SENP7: variants seen among roughly 807,000 people sequenced by gnomAD.
SENP7 encodes the protein sentrin-specific protease 7.
Under a neutral mutation model 141.2 loss-of-function variants are expected in SENP7, and 64 were observed. The observed-to-expected ratio is 0.45, with a 90% CI of 0.37 to 0.56. SENP7 has a LOEUF of 0.56. SENP7 is among the 20% of genes least tolerant of loss of function. The pLI is 0.00. For synonymous variants in SENP7, 382 were observed against 426.4 expected (o/e 0.90, Z 1.28); for missense variants, 1,025 against 1,212.2 (o/e 0.85, Z 2.29).
At chr3:101,467,224 C>G (rs925097190) in intron 3 of SENP7, among the ~76,000 whole-genome samples, 4 of 152,264 alleles carry the variant, frequency 2.6e-5, no homozygotes, top group Admixed American at 2.6e-4. Flanking sequence ...ACAAGGCCTA[C>G]TGCCTCTAGA....
rs747201811 is a variant in SENP7, at chr3:101,459,012, T to A, written c.227A>T (p.His76Leu). Residue 76 changes from histidine to leucine, a missense_variant, in exon 4 of 24, where the codon CAT becomes CTT. Transcript: ENST00000394095. The part of the protein sequence containing the change: ...SLRNKVISLD[H>L]KNKKHIRGCP... ...CCCTCGGATATGTTTTTTATTTTTATGGTCTAGAGAGATGACTTTATTCCT... is the reference window on the plus strand; with the variant it reads ...CCCTCGGATATGTTTTTTATTTTTAAGGTCTAGAGAGATGACTTTATTCCT... 6.2e-7 allele frequency: 1 copy of A among 1,607,972 alleles called. No homozygotes were observed. Among genetic ancestry groups the A allele is most frequent in the African/African-American group, 1.3e-5 (1 of 74,668 alleles).
chr3:101,442,981 T>C (rs1022840502), intron 4 of SENP7, among the ~76,000 whole-genome samples: 5 of 152,254 alleles, frequency 3.3e-5, no homozygotes, highest in African/African-American at 1.2e-4. Flanking sequence ...ATAATAGCTT[T>C]GGTTGCCATT....
intron 14 of SENP7, 125 bp downstream of exon 14, chr3:101,343,561 G>T: frequency 1.2e-6 from 1 of 803,562 alleles, no homozygotes; most frequent in Non-Finnish European, 1.9e-6. Context: ...GGCAACGGGA[G>T]TTCTTTTGGG....
intron 6 of SENP7, among the ~76,000 whole-genome samples, chr3:101,382,205 C>G (rs1455560356): frequency 3.3e-5 from 5 of 152,044 alleles, no homozygotes; most frequent in African/African-American, 4.8e-5. Flanking sequence ...GGTACAGGGT[C>G]TCACTCTGTC....
At chr3:101,424,579 C>G (rs1032196339) in intron 4 of SENP7, among the ~76,000 whole-genome samples, 8 of 152,150 alleles carry the variant, frequency 5.3e-5, no homozygotes, top group African/African-American at 1.9e-4. Context: ...ACCTTCCCCC[C>G]ACACTGAGCA....
At chr3:101,412,764 T>G (rs2061491482) in intron 5 of SENP7, among the ~76,000 whole-genome samples, 3 of 152,090 alleles carry the variant, frequency 2.0e-5, no homozygotes, top group Non-Finnish European at 4.4e-5. Flanking sequence ...TTCTTTCCTA[T>G]TGACAAAGAC....
intron 8 of SENP7, among the ~76,000 whole-genome samples, chr3:101,367,325 T>C (rs1342563858): frequency 6.6e-6 from 1 of 152,094 alleles, no homozygotes; most frequent in Non-Finnish European, 1.5e-5. Context: ...TATTGCTACT[T>C]ATATACTAAG....
intron 17 of SENP7, among the ~76,000 whole-genome samples, chr3:101,334,781 G>A (rs1163958281): frequency 2.0e-5 from 3 of 152,150 alleles, no homozygotes; most frequent in African/African-American, 7.2e-5. Flanking sequence ...TCGATTTCCT[G>A]ATTATGCTAA....
At chr3:101,354,036 C>T (rs932172872) in intron 11 of SENP7, among the ~76,000 whole-genome samples, 2 of 151,804 alleles carry the variant, frequency 1.3e-5, no homozygotes, top group African/African-American at 2.4e-5. Context: ...CCTGAAAAAC[C>T]TGAAATTTTT....
intron 5 of SENP7, among the ~76,000 whole-genome samples, chr3:101,412,322 T>A (rs1159329976): frequency 1.3e-5 from 2 of 152,142 alleles, no homozygotes; most frequent in Non-Finnish European, 2.9e-5. Flanking sequence ...ATTTAAAATA[T>A]ACCTTCTAAA....
At chr3:101,354,955 T>A (rs145492556) in intron 11 of SENP7, among the ~76,000 whole-genome samples, 28 of 152,286 alleles carry the variant, frequency 1.8e-4, no homozygotes, top group African/African-American at 5.8e-4. Flanking sequence ...TGGTTTTGAT[T>A]TGGATTTCTC....
At chr3:101,409,305 G>A (rs1175388728) in intron 5 of SENP7, among the ~76,000 whole-genome samples, 1 of 152,168 alleles carries the variant, frequency 6.6e-6, no homozygotes, top group African/African-American at 2.4e-5. Context: ...CAAACAACTG[G>A]AAACACATCC....
intron 4 of SENP7, among the ~76,000 whole-genome samples, chr3:101,440,790 G>C (rs918823743): frequency 6.6e-6 from 1 of 151,986 alleles, no homozygotes; most frequent in African/African-American, 2.4e-5. Context: ...ATCCAGCAAC[G>C]TATTAAGAAT....
intron 4 of SENP7, 52 bp downstream of exon 4, chr3:101,458,903 G>A (rs1576417547): frequency 3.8e-6 from 4 of 1,062,560 alleles, no homozygotes; most frequent in African/African-American, 1.6e-5. Context: ...AATCATTTAT[G>A]GTCAACTTTA....
chr3:101,399,137 A>G (rs973024788), intron 5 of SENP7, 82 bp from the exon 6 acceptor site: 15 of 831,192 alleles, frequency 1.8e-5, no homozygotes, highest in Non-Finnish European at 2.5e-5. Flanking sequence ...TGAATTTTCA[A>G]TCATTGCCAT....
chr3:101,511,881 G>A (rs899113474), intron 1 of SENP7, among the ~76,000 whole-genome samples: 1 of 152,100 alleles, frequency 6.6e-6, no homozygotes, highest in Non-Finnish European at 1.5e-5. Flanking sequence ...GTGCAGTGGT[G>A]CGATCTCGGC....
At chr3:101,480,663 G>T (rs142488867) in intron 3 of SENP7, among the ~76,000 whole-genome samples, 1 of 151,906 alleles carries the variant, frequency 6.6e-6, no homozygotes, top group Non-Finnish European at 1.5e-5. Context: ...GCTTCTGTAC[G>T]GCTAAGGAAA....
intron 4 of SENP7, among the ~76,000 whole-genome samples, chr3:101,448,082 C>G (rs1329642345): frequency 6.6e-6 from 1 of 151,924 alleles, no homozygotes; most frequent in African/African-American, 2.4e-5. Context: ...CATTCCATAC[C>G]CAAAAATTAA....
At chr3:101,503,950 TA>T (rs879411745) in intron 1 of SENP7, among the ~76,000 whole-genome samples, 252 of 134,856 alleles carry the variant, frequency 1.9e-3, no homozygotes, top group Admixed American at 1.9e-3. Context: ...TGTCTCAAAT[TA>T]AAAAAAAAAA....
Sources: gnomAD v4.1 joint callset for allele counts (sites outside exome capture counted in the v4.1 genomes callset) on GRCh38, gnomAD v4.1.1 for gene constraint, MANE v1.5 for transcripts, NCBI Gene and HGNC (gene_info 2026-07-23, HGNC 2026-07-21) for gene names.